CEMIP: variants seen among roughly 807,000 people sequenced by gnomAD.
CEMIP encodes cell migration-inducing and hyaluronan-binding protein.
In CEMIP, 105 loss-of-function variants were observed where a neutral mutation model predicts 156.9. The ratio of observed to expected loss-of-function variants is 0.67; its 90% CI spans 0.57 to 0.79. The LOEUF (loss-of-function observed/expected upper bound fraction) is 0.79. Ranked by LOEUF, CEMIP falls within the 30% of genes least tolerant of loss-of-function variation. The pLI, the probability that CEMIP is intolerant of heterozygous loss-of-function variation, is 0.00. For missense variants in CEMIP, 1,457 were observed against 1,769.4 expected (o/e 0.82, Z 3.17); for synonymous variants, 676 against 668.4 (o/e 1.01, Z -0.17).
intron 22 of CEMIP, 76 bp from the exon 23 acceptor site, chr15:80,933,169 C>A (rs1900989983): frequency 7.5e-7 from 1 of 1,334,034 alleles, no homozygotes; most frequent in Non-Finnish European, 1.1e-6. Flanking sequence ...AAATCGGAAA[C>A]CTCGCCCTGG....
intron 1 of CEMIP, among the ~76,000 whole-genome samples, chr15:80,796,010 C>T (rs939729764): frequency 1.3e-5 from 2 of 152,168 alleles, no homozygotes; most frequent in Non-Finnish European, 2.9e-5. Flanking sequence ...TTTATTATTG[C>T]AGTAACACAC....
intron 1 of CEMIP, among the ~76,000 whole-genome samples, chr15:80,817,959 A>C (rs1896825008): frequency 6.6e-6 from 1 of 152,080 alleles, no homozygotes; most frequent in African/African-American, 2.4e-5. Context: ...TAATTATTTA[A>C]CCTCTCTGGG....
Position 80,948,934 on chromosome 15 carries a change from C to T in CEMIP, c.*10C>T. 1.2e-6 allele frequency: 2 copies of T among 1,614,174 alleles called. No individual in the cohort carries two copies. Among genetic ancestry groups the T allele is most frequent in the Non-Finnish European group, 1.7e-6 (2 of 1,180,010 alleles). On this transcript the variant is annotated 3_prime_UTR_variant, in exon 30 of 30. Transcript: ENST00000394685. ...GAAGAAGAAGTTGTGAGGACAGCTG[C>T]CGCCCGGTGCCACCTCGTGGTAGAC...
At chr15:80,810,466 C>A (rs1353072234) in intron 1 of CEMIP, among the ~76,000 whole-genome samples, 1 of 152,240 alleles carries the variant, frequency 6.6e-6, no homozygotes, top group Admixed American at 6.5e-5. Flanking sequence ...CTTCCGGATT[C>A]ATGCCATTCT....
At chr15:80,847,169 C>T (rs1203910413) in intron 1 of CEMIP, among the ~76,000 whole-genome samples, 1 of 152,178 alleles carries the variant, frequency 6.6e-6, no homozygotes, top group African/African-American at 2.4e-5. Flanking sequence ...CCACCTTAGC[C>T]TCCCAAGCAG....
At chr15:80,909,890 GA>G in intron 14 of CEMIP, 1 of 311,698 alleles carries the variant, frequency 3.2e-6, no homozygotes, top group South Asian at 2.9e-5. Context: ...TTTAACACTG[GA>G]CATCACAAAA....
At chr15:80,810,298 AT>A (rs1371792414) in intron 1 of CEMIP, among the ~76,000 whole-genome samples, 1 of 152,124 alleles carries the variant, frequency 6.6e-6, no homozygotes, top group East Asian at 1.9e-4. Flanking sequence ...GTAAGATTTG[AT>A]TGAGTAAGAT....
intron 17 of CEMIP, among the ~76,000 whole-genome samples, 194 bp from the exon 18 acceptor site, chr15:80,924,427 T>A (rs192668856): frequency 6.6e-6 from 1 of 152,240 alleles, no homozygotes; most frequent in African/African-American, 2.4e-5. Flanking sequence ...ATATTCCAGA[T>A]TTGGTCTGAG....
intron 19 of CEMIP, among the ~76,000 whole-genome samples, chr15:80,926,554 T>C (rs902051768): frequency 6.6e-6 from 1 of 151,662 alleles, no homozygotes; most frequent in Non-Finnish European, 1.5e-5. Context: ...GACACAGCAT[T>C]GACAGAGAGA....
intron 25 of CEMIP, among the ~76,000 whole-genome samples, chr15:80,938,911 TA>T (rs1901238281): frequency 6.6e-6 from 1 of 152,318 alleles, no homozygotes; most frequent in East Asian, 1.9e-4. Context: ...TTTCTATTCT[TA>T]TATGGAAGTC....
intron 28 of CEMIP, 38 bp from the exon 29 acceptor site, chr15:80,946,927 C>T: frequency 7.0e-7 from 1 of 1,424,806 alleles, no homozygotes; most frequent in Non-Finnish European, 9.9e-7. Context: ...CTCCAGTTTG[C>T]TCTCTCCCTC....
chr15:80,921,934 G>C, intron 16 of CEMIP, 75 bp from the exon 17 acceptor site: 1 of 1,603,856 alleles, frequency 6.2e-7, no homozygotes, highest in South Asian at 1.1e-5. Context: ...TCCGGCGTGG[G>C]CCGCGTGGCC....
intron 1 of CEMIP, among the ~76,000 whole-genome samples, chr15:80,832,322 C>CTGTGTGTGTGTGTGTGTGTGTGTG (rs58855328): frequency 0.017 from 2,196 of 127,996 alleles, 77 homozygotes; most frequent in East Asian, 0.024. Flanking sequence ...AAAATAAACT[C>CTGTGTGTGTGTGTGTGTGTGTGTG]TGTGTGTGTG....
chr15:80,934,966 G>A (rs1901062737), intron 23 of CEMIP, among the ~76,000 whole-genome samples: 1 of 152,210 alleles, frequency 6.6e-6, no homozygotes, highest in African/African-American at 2.4e-5. Flanking sequence ...GGAAAATGTT[G>A]ACAAGAAGCT....
At chr15:80,800,578 CT>C (rs1441858116) in intron 1 of CEMIP, among the ~76,000 whole-genome samples, 4 of 152,110 alleles carry the variant, frequency 2.6e-5, no homozygotes, top group African/African-American at 9.7e-5. Context: ...TACTTTGGGA[CT>C]TTTTCCAAAA....
chr15:80,825,802 C>G (rs111900600), intron 1 of CEMIP, among the ~76,000 whole-genome samples: 11 of 152,154 alleles, frequency 7.2e-5, no homozygotes, highest in African/African-American at 2.7e-4. Context: ...AAGAATGCTC[C>G]CCTTTCCCCA....
chr15:80,890,317 G>T (rs1407234198), intron 10 of CEMIP, among the ~76,000 whole-genome samples: 4 of 151,964 alleles, frequency 2.6e-5, no homozygotes, highest in Admixed American at 2.6e-4. Context: ...AGTGGATCAT[G>T]CCTGTAATCC....
At chr15:80,796,097 G>A (rs977266724) in intron 1 of CEMIP, among the ~76,000 whole-genome samples, 4 of 152,116 alleles carry the variant, frequency 2.6e-5, no homozygotes, top group African/African-American at 9.7e-5. Flanking sequence ...CATTTAATAA[G>A]AGCTTACCAG....
At position 80,937,868 on chromosome 15, in the gene CEMIP, G is replaced by T. The variant is rs772930693; in HGVS notation, c.3296G>T (p.Arg1099Leu). The T allele has an allele frequency of 6.2e-7, 1 of 1,614,176 alleles. No individual in the cohort carries two copies. Among genetic ancestry groups the T allele is most frequent in the South Asian group, 1.1e-5 (1 of 91,084 alleles). ...TCCATCCTCTCGGATGTTCACAATC[G>T]CCTGCTGAAGCAAACGTCCAAGACG... ...TFSILSDVHN[R>L]LLKQTSKTGV... Residue 1099 changes from arginine to leucine, a missense_variant, in exon 25 of 30, where the codon CGC becomes CTC. By Grantham distance (102) the Arg-to-Leu change is moderately radical. This residue lies in a region of CEMIP where 798 missense variants were observed against 980.1 expected (regional missense o/e 0.81). Transcript: ENST00000394685.
Sources: allele counts gnomAD v4.1 joint callset (sites outside exome capture counted in the v4.1 genomes callset), GRCh38; gene constraint gnomAD v4.1.1; regional missense constraint gnomAD v4.1.1; transcripts MANE v1.5; gene names NCBI Gene and HGNC (gene_info 2026-07-23, HGNC 2026-07-21).